CD200: variants seen among roughly 807,000 people sequenced by gnomAD.
The protein encoded by CD200 is CD200 molecule.
Under a neutral mutation model 30.9 loss-of-function variants are expected in CD200, and 15 were observed. The ratio of observed to expected loss-of-function variants is 0.49; its 90% confidence interval spans 0.32 to 0.75. The LOEUF is 0.75. Among genes scored for constraint, CD200 ranks in the 30% least tolerant of loss-of-function variants. CD200 has a pLI of 0.03. For synonymous variants in CD200, 134 were observed against 126.2 expected, an observed-to-expected ratio of 1.06 and a Z score of -0.41; for missense variants, 262 against 324.2, an observed-to-expected ratio of 0.81 and a Z score of 1.47.
chr3:112,351,869 G>T (rs1442799783), intron 5 of CD200, among the ~76,000 whole-genome samples: 1 of 152,170 alleles, frequency 6.6e-6, no homozygotes, highest in Non-Finnish European at 1.5e-5. Flanking sequence ...GAGCCAGTGT[G>T]TGCAGAGATC....
chr3:112,336,360 C>G lies in CD200; in HGVS notation c.12+3136C>G, dbSNP rs1366705093. On this transcript the variant is annotated intron_variant, in intron 1 of 5. Transcript: ENST00000315711. Reference sequence around the variant, plus strand: ...AGAACTCCATTCCCGACCCGCTGCTCCTGAGCCCACAGGAAGAAGGCCATC... The same window carrying G: ...AGAACTCCATTCCCGACCCGCTGCTGCTGAGCCCACAGGAAGAAGGCCATC... 2.6e-5 allele frequency among the ~76,000 whole-genome samples: 4 copies of G among 151,834 alleles called. No homozygotes were observed. In the South Asian group the frequency reaches 8.4e-4, roughly 32 times the overall value.
chr3:112,356,178 G>C (rs543684286), intron 5 of CD200, among the ~76,000 whole-genome samples: 1 of 152,190 alleles, frequency 6.6e-6, no homozygotes, highest in East Asian at 1.9e-4. Context: ...CTGAGTCTCC[G>C]TGGACACTAG....
chr3:112,355,442 C>T (rs1244218141), intron 5 of CD200, among the ~76,000 whole-genome samples: 1 of 152,022 alleles, frequency 6.6e-6, no homozygotes, highest in East Asian at 1.9e-4. Context: ...CTCCCTATTC[C>T]TACCTTTTCA....
chr3:112,355,462 C>A (rs2081607218), intron 5 of CD200, among the ~76,000 whole-genome samples: 1 of 152,124 alleles, frequency 6.6e-6, no homozygotes, highest in Non-Finnish European at 1.5e-5. Flanking sequence ...ATAGAGGAAG[C>A]AATTCTGACT....
chr3:112,353,779 C>A (rs556088113), intron 5 of CD200, among the ~76,000 whole-genome samples: 1 of 152,108 alleles, frequency 6.6e-6, no homozygotes, highest in East Asian at 1.9e-4. Context: ...GCCCTCTGTC[C>A]GGGCTGTATG....
intron 5 of CD200, among the ~76,000 whole-genome samples, chr3:112,352,381 ACTTTT>A (rs1365863887): frequency 6.6e-6 from 1 of 152,158 alleles, no homozygotes; most frequent in Non-Finnish European, 1.5e-5. Flanking sequence ...TTTCATCCTT[ACTTTT>A]CTTTTCTTTC....
intron 1 of CD200, among the ~76,000 whole-genome samples, chr3:112,336,526 G>T (rs530643679): frequency 1.3e-5 from 2 of 151,894 alleles, no homozygotes; most frequent in Non-Finnish European, 2.9e-5. Context: ...GGCAAACACC[G>T]AGAATGAGGG....
At chr3:112,357,186 G>A (rs2081640008) in intron 5 of CD200, among the ~76,000 whole-genome samples, 2 of 150,344 alleles carry the variant, frequency 1.3e-5, no homozygotes, top group South Asian at 2.1e-4. Flanking sequence ...GCGTGAACCC[G>A]GAAAGCGGAG....
intron 2 of CD200, among the ~76,000 whole-genome samples, chr3:112,344,300 G>A (rs1451850469): frequency 6.6e-6 from 1 of 152,112 alleles, no homozygotes; most frequent in African/African-American, 2.4e-5. Context: ...AATGTATGAT[G>A]GTATGAGTTG....
At chr3:112,334,885 A>G (rs1254582058) in intron 1 of CD200, among the ~76,000 whole-genome samples, 1 of 152,194 alleles carries the variant, frequency 6.6e-6, no homozygotes, top group African/African-American at 2.4e-5. Context: ...TTTGGTATGT[A>G]TCTGCTTTCT....
chr3:112,360,333 A>AT (rs1553721434), intron 5 of CD200, among the ~76,000 whole-genome samples: 33 of 141,196 alleles, frequency 2.3e-4, no homozygotes, highest in Admixed American at 7.1e-4. Flanking sequence ...ATCTAAAAAA[A>AT]ATATATATAT....
intron 1 of CD200, chr3:112,334,212 A>G (rs2081062223): frequency 2.0e-6 from 2 of 985,392 alleles, no homozygotes; most frequent in Non-Finnish European, 2.4e-6. Flanking sequence ...CCTTGTGACT[A>G]CATGTGGGGT....
chr3:112,356,652 A>G (rs532468581), intron 5 of CD200, among the ~76,000 whole-genome samples: 1 of 152,370 alleles, frequency 6.6e-6, no homozygotes, highest in Admixed American at 6.5e-5. Flanking sequence ...AAGAAACTGA[A>G]TGTGATATTT....
chr3:112,340,329 C>T (rs1024590074), intron 1 of CD200, among the ~76,000 whole-genome samples: 14 of 151,938 alleles, frequency 9.2e-5, no homozygotes, highest in Admixed American at 3.9e-4. Flanking sequence ...ATAAGAAGGC[C>T]GAGGATTTCT....
At chr3:112,349,373 C>G (rs2081484737) in intron 4 of CD200, among the ~76,000 whole-genome samples, 1 of 152,180 alleles carries the variant, frequency 6.6e-6, no homozygotes, top group Admixed American at 6.5e-5. Flanking sequence ...GGCAAACAGA[C>G]TTTCAACCAA....
intron 5 of CD200, among the ~76,000 whole-genome samples, chr3:112,353,812 CA>C (rs2081580068): frequency 6.6e-6 from 1 of 152,126 alleles, no homozygotes. Context: ...TTGCTTTGCT[CA>C]AAAAGTACTT....
intron 2 of CD200, among the ~76,000 whole-genome samples, chr3:112,343,846 G>C (rs947154286): frequency 6.6e-6 from 1 of 151,804 alleles, no homozygotes; most frequent in Non-Finnish European, 1.5e-5. Flanking sequence ...CAGTGGTTTT[G>C]TCTTCCATTC....
At chr3:112,334,216 G>A in intron 1 of CD200, 1 of 985,264 alleles carries the variant, frequency 1.0e-6, no homozygotes, top group Non-Finnish European at 1.2e-6. Flanking sequence ...GTGACTACAT[G>A]TGGGGTAATG....
chr3:112,353,778 C>A (rs1441898013), intron 5 of CD200, among the ~76,000 whole-genome samples: 1 of 152,174 alleles, frequency 6.6e-6, no homozygotes, highest in Non-Finnish European at 1.5e-5. Context: ...AGCCCTCTGT[C>A]CGGGCTGTAT....
Sources: allele counts gnomAD v4.1 joint callset (sites outside exome capture counted in the v4.1 genomes callset), GRCh38; gene constraint gnomAD v4.1.1; transcripts MANE v1.5; gene names NCBI Gene and HGNC (gene_info 2026-07-23, HGNC 2026-07-21).